The following IMMP2L variants were observed in gnomAD, a reference collection of about 807,000 sequenced individuals.
IMMP2L encodes inner mitochondrial membrane peptidase subunit 2, also known as mitochondrial inner membrane protease subunit 2.
Under a neutral mutation model 19.3 loss-of-function variants are expected in IMMP2L, and 18 were observed. The observed-to-expected ratio is 0.93, with a 90% CI of 0.64 to 1.38. The LOEUF is 1.38. Ranked by LOEUF, IMMP2L falls within the 40% of genes most tolerant of loss-of-function variation. The pLI is 0.00. For synonymous variants in IMMP2L, 76 were observed against 73.0 expected, an observed-to-expected ratio of 1.04 and a Z score of -0.21; for missense variants, 233 against 218.2, an observed-to-expected ratio of 1.07 and a Z score of -0.43.
At chr7:110,810,921 G>T (rs938446346) in intron 5 of IMMP2L, among the ~76,000 whole-genome samples, 8 of 152,010 alleles carry the variant, frequency 5.3e-5, no homozygotes, top group African/African-American at 1.9e-4. Context: ...CTGAAAATGT[G>T]CTGAGATGCG....
chr7:111,520,152 G>C (rs1402167393), intron 2 of IMMP2L, among the ~76,000 whole-genome samples: 2 of 152,102 alleles, frequency 1.3e-5, no homozygotes, highest in Non-Finnish European at 2.9e-5. Flanking sequence ...AAAGCCATAT[G>C]CCTATAAATC....
intron 3 of IMMP2L, among the ~76,000 whole-genome samples, chr7:111,210,131 G>A (rs1811157470): frequency 1.3e-5 from 2 of 152,204 alleles, no homozygotes; most frequent in South Asian, 2.1e-4. Context: ...TTTGGTAGGA[G>A]ACTTTGTTTT....
chr7:111,087,257 G>A (rs1274908256), intron 3 of IMMP2L, among the ~76,000 whole-genome samples: 1 of 152,044 alleles, frequency 6.6e-6, no homozygotes, highest in African/African-American at 2.4e-5. Flanking sequence ...AGACCATCAT[G>A]GATAACATGG....
intron 5 of IMMP2L, among the ~76,000 whole-genome samples, chr7:110,845,376 A>C (rs976730037): frequency 6.6e-6 from 1 of 152,130 alleles, no homozygotes; most frequent in Non-Finnish European, 1.5e-5. Context: ...AGTAGGATAG[A>C]GCCTGCTCGT....
At chr7:111,282,476 A>G (rs1820004274) in intron 3 of IMMP2L, among the ~76,000 whole-genome samples, 1 of 152,234 alleles carries the variant, frequency 6.6e-6, no homozygotes, top group Admixed American at 6.5e-5. Context: ...ATAAACATAT[A>G]TGCAGCCAAT....
At chr7:110,703,970 C>T (rs548857290) in intron 5 of IMMP2L, among the ~76,000 whole-genome samples, 3 of 151,932 alleles carry the variant, frequency 2.0e-5, no homozygotes, top group East Asian at 1.9e-4. Flanking sequence ...CTCAGCCTCC[C>T]GAGTAGCTGG....
At chr7:110,953,214 T>A (rs1343073049) in intron 4 of IMMP2L, among the ~76,000 whole-genome samples, 2 of 152,114 alleles carry the variant, frequency 1.3e-5, no homozygotes, top group Non-Finnish European at 1.5e-5. Context: ...ATGTGCTGAA[T>A]GGGCAGTTTT....
intron 3 of IMMP2L, among the ~76,000 whole-genome samples, chr7:111,238,483 T>C (rs957319426): frequency 1.3e-5 from 2 of 151,974 alleles, no homozygotes; most frequent in African/African-American, 4.8e-5. Context: ...GCCAGGAAGA[T>C]TGGAGAGTTA....
At chr7:110,930,150 A>G (rs1032926877) in intron 4 of IMMP2L, among the ~76,000 whole-genome samples, 1 of 152,164 alleles carries the variant, frequency 6.6e-6, no homozygotes, top group Admixed American at 6.6e-5. Flanking sequence ...AACATGGCAC[A>G]ACAATGAAAC....
At chr7:111,294,272 T>C (rs974266461) in intron 3 of IMMP2L, among the ~76,000 whole-genome samples, 14 of 151,824 alleles carry the variant, frequency 9.2e-5, no homozygotes, top group South Asian at 2.1e-4. Flanking sequence ...ATAATTTACT[T>C]TGAGTTAAAC....
intron 3 of IMMP2L, among the ~76,000 whole-genome samples, chr7:110,967,709 T>C (rs1430313904): frequency 6.6e-6 from 1 of 152,112 alleles, no homozygotes; most frequent in African/African-American, 2.4e-5. Flanking sequence ...GGATGGCTTC[T>C]ATTACAAGAG....
chr7:111,215,510 A>G (rs1811840678), intron 3 of IMMP2L, among the ~76,000 whole-genome samples: 1 of 152,160 alleles, frequency 6.6e-6, no homozygotes, highest in Admixed American at 6.5e-5. Flanking sequence ...ACTACACATA[A>G]CAGGCAAAAC....
At chr7:111,197,946 AAAG>A (rs1277545243) in intron 3 of IMMP2L, among the ~76,000 whole-genome samples, 1 of 152,206 alleles carries the variant, frequency 6.6e-6, no homozygotes, top group Non-Finnish European at 1.5e-5. Context: ...CAACAATAAC[AAAG>A]AAGGAGGAAA....
chr7:111,557,832 T>TA (rs1409543176), intron 1 of IMMP2L, among the ~76,000 whole-genome samples: 1 of 151,286 alleles, frequency 6.6e-6, no homozygotes, highest in Non-Finnish European at 1.5e-5. Flanking sequence ...ATAGATATAC[T>TA]AAAAAAAGGA....
chr7:111,226,509 A>G (rs1434377227), intron 3 of IMMP2L, among the ~76,000 whole-genome samples: 1 of 151,820 alleles, frequency 6.6e-6, no homozygotes, highest in Non-Finnish European at 1.5e-5. Flanking sequence ...ACAAATCCTC[A>G]TCTCAATGTC....
intron 3 of IMMP2L, among the ~76,000 whole-genome samples, chr7:111,432,517 G>T (rs1036655296): frequency 3.3e-5 from 5 of 151,662 alleles, no homozygotes; most frequent in African/African-American, 1.2e-4. Context: ...ATTCAGCATG[G>T]CTTCGTGATA....
At chr7:110,842,446 T>C (rs1471626940) in intron 5 of IMMP2L, among the ~76,000 whole-genome samples, 1 of 152,116 alleles carries the variant, frequency 6.6e-6, no homozygotes, top group Non-Finnish European at 1.5e-5. Flanking sequence ...GTGGAAGTGA[T>C]ATATTCAACT....
At chr7:111,382,111 T>A (rs1366510175) in intron 3 of IMMP2L, among the ~76,000 whole-genome samples, 1 of 150,584 alleles carries the variant, frequency 6.6e-6, no homozygotes, top group South Asian at 2.1e-4. Context: ...CCAGGAGAGG[T>A]TGTAGAGTGA....
At chr7:110,767,301 A>C (rs1055538367) in intron 5 of IMMP2L, among the ~76,000 whole-genome samples, 1 of 152,192 alleles carries the variant, frequency 6.6e-6, no homozygotes, top group Non-Finnish European at 1.5e-5. Flanking sequence ...GATTTCATGC[A>C]TGGGAGAAAC....
Sources: gnomAD v4.1 joint callset for allele counts (sites outside exome capture counted in the v4.1 genomes callset) on GRCh38, gnomAD v4.1.1 for gene constraint, MANE v1.5 for transcripts, NCBI Gene and HGNC (gene_info 2026-07-23, HGNC 2026-07-21) for gene names.